Variants in OSBPL10 observed in about 807,000 individuals in gnomAD.
OSBPL10 encodes oxysterol binding protein like 10.
OSBPL10 carries 49 observed loss-of-function variants against 81.7 expected under a neutral mutation model. The observed-to-expected ratio is 0.60, with a 90% CI of 0.48 to 0.76. The LOEUF is 0.76. OSBPL10 is among the 30% of genes least tolerant of loss of function. The pLI is 0.00. For missense variants in OSBPL10, 923 were observed against 987.8 expected, an observed-to-expected ratio of 0.93 and a Z score of 0.88; for synonymous variants, 419 against 383.6, an observed-to-expected ratio of 1.09 and a Z score of -1.08.
At chr3:31,890,215 ATCAT>A (rs1420082380) in intron 1 of OSBPL10, among the ~76,000 whole-genome samples, 4 of 150,256 alleles carry the variant, frequency 2.7e-5, no homozygotes, top group African/African-American at 4.9e-5. Context: ...ATTTCTCTCA[ATCAT>A]TCATTCAAAC....
rs1481127569 is a variant in OSBPL10 at position 31,729,251 on chromosome 3, C to A, written c.1095+4006G>T. 2.6e-5 allele frequency among the ~76,000 whole-genome samples: 4 copies of A among 152,260 alleles called. No individual in the cohort carries two copies. The East Asian group carries it at 7.7e-4, about 29-fold the overall frequency. ...TCTGTCATTCAGGATGGGTTTATCT[C>A]ATTGCCCTGGGCTCTCCTGTTCCCT... On this transcript the variant is annotated intron_variant, in intron 6 of 11. Coordinates refer to ENST00000396556, the MANE Select transcript of OSBPL10 (RefSeq NM_017784.5).
intron 1 of OSBPL10, among the ~76,000 whole-genome samples, chr3:32,070,218 T>G (rs963420584): frequency 6.6e-6 from 1 of 152,190 alleles, no homozygotes; most frequent in African/African-American, 2.4e-5. Context: ...TTCAAGGGCC[T>G]GTTTTCCTTG....
At chr3:31,759,617 C>T (rs959189079) in intron 4 of OSBPL10, among the ~76,000 whole-genome samples, 4 of 152,130 alleles carry the variant, frequency 2.6e-5, no homozygotes, top group African/African-American at 9.7e-5. Flanking sequence ...AGAAGATCCC[C>T]ATATAACTTT....
chr3:31,899,889 G>A (rs138848460), intron 1 of OSBPL10, among the ~76,000 whole-genome samples: 1 of 151,998 alleles, frequency 6.6e-6, no homozygotes, highest in African/African-American at 2.4e-5. Flanking sequence ...ATATTCTACA[G>A]AAAATAACTA....
rs1384649460 is a variant in OSBPL10, at chr3:31,661,985, T to C, written c.*87A>G. ...CTTGGATGCTAATACAAGGTCTCAGTGAATGCCAACAAAACCCTGATACTC... is the reference window on the plus strand; with the variant it reads ...CTTGGATGCTAATACAAGGTCTCAGCGAATGCCAACAAAACCCTGATACTC... On this transcript the variant is annotated 3_prime_UTR_variant, in exon 12 of 12. Transcript: ENST00000396556. 1 of 1,552,808 alleles carries C rather than the reference T, an allele frequency of 6.4e-7. No homozygotes were observed. Among genetic ancestry groups the C allele is most frequent in the South Asian group, 1.2e-5 (1 of 83,684 alleles).
At chr3:31,847,194 CTTTTTT>C in intron 3 of OSBPL10, among the ~76,000 whole-genome samples, 2 of 144,988 alleles carry the variant, frequency 1.4e-5, no homozygotes, top group East Asian at 2.0e-4. Context: ...CTCCCCATTC[CTTTTTT>C]TTTTTTTTTT....
chr3:31,787,941 A>G (rs1698900065), intron 4 of OSBPL10, among the ~76,000 whole-genome samples: 1 of 152,238 alleles, frequency 6.6e-6, no homozygotes, highest in African/African-American at 2.4e-5. Flanking sequence ...TTTAAAATGC[A>G]CAAACAGAAT....
chr3:31,741,522 T>C (rs1379269678), intron 5 of OSBPL10, among the ~76,000 whole-genome samples: 1 of 152,214 alleles, frequency 6.6e-6, no homozygotes, highest in African/African-American at 2.4e-5. Context: ...CTTGGCCTCC[T>C]GAAGTGCTGG....
chr3:31,814,869 T>C (rs780410459), intron 4 of OSBPL10, among the ~76,000 whole-genome samples: 2 of 152,172 alleles, frequency 1.3e-5, no homozygotes, highest in African/African-American at 2.4e-5. Context: ...GCTTATTCCA[T>C]AGATTAAAGT....
intron 4 of OSBPL10, among the ~76,000 whole-genome samples, chr3:31,790,457 G>T (rs982052587): frequency 2.0e-5 from 3 of 152,124 alleles, no homozygotes; most frequent in African/African-American, 7.2e-5. Context: ...ATTAAGACCT[G>T]ATTTACATTT....
chr3:31,873,462 T>G, intron 3 of OSBPL10, among the ~76,000 whole-genome samples: 1 of 152,210 alleles, frequency 6.6e-6, no homozygotes, highest in East Asian at 1.9e-4. Context: ...GGGTCATCCT[T>G]AAAGCCTTTT....
At position 32,031,615 on chromosome 3, in the gene OSBPL10, G is replaced by A. The variant is rs190806869; in HGVS notation, n.298+14876C>T. On this transcript the variant is annotated intron_variant and non_coding_transcript_variant, in intron 2 of 3. Coordinates refer to the OSBPL10 transcript ENST00000479173. ...TAGCTGGGACTACAGGCATACGCCCGGCTAATTTTTGTATTTTTAGTAGAG... is the reference window on the plus strand; with the variant it reads ...TAGCTGGGACTACAGGCATACGCCCAGCTAATTTTTGTATTTTTAGTAGAG... Among the ~76,000 whole-genome samples, 350 of 151,986 alleles carry A rather than the reference G, an allele frequency of 2.3e-3. 2 individuals carry two copies. Among genetic ancestry groups the A allele is most frequent in the African/African-American group, 6.0e-3 (250 of 41,448 alleles).
chr3:31,991,103 G>A, intron 2 of OSBPL10: 4 of 951,326 alleles, frequency 4.2e-6, no homozygotes, highest in Non-Finnish European at 6.3e-6. Context: ...TTGAGTTTCA[G>A]TTGACTTGAC....
chr3:31,807,242 T>A (rs1202743909), intron 4 of OSBPL10, among the ~76,000 whole-genome samples: 4 of 152,018 alleles, frequency 2.6e-5, no homozygotes, highest in African/African-American at 9.7e-5. Context: ...TAGCCAGGCG[T>A]CGTGTTGCAC....
intron 1 of OSBPL10, among the ~76,000 whole-genome samples, chr3:31,942,013 G>A (rs931864797): frequency 4.6e-5 from 7 of 152,128 alleles, no homozygotes; most frequent in Admixed American, 2.6e-4. Context: ...GGTGGCTCAC[G>A]CCTGTAATCC....
chr3:31,981,426 G>A, upstream of OSBPL10: 1 of 528,818 alleles, frequency 1.9e-6, no homozygotes, highest in Non-Finnish European at 2.9e-6. The surrounding 1 kb of genome is among the most constrained non-coding windows in gnomAD (Gnocchi z 4.5). Context: ...CCCTCCCTCC[G>A]CACTAGTTTC....
At chr3:31,761,821 A>C (rs868324455) in intron 4 of OSBPL10, among the ~76,000 whole-genome samples, 2 of 138,022 alleles carry the variant, frequency 1.4e-5, no homozygotes, top group Non-Finnish European at 3.0e-5. Context: ...TCTAAAAAAA[A>C]AAAAAAAAAA....
chr3:31,727,208 AGGAGATAGTGTAGTAT>A (rs1046604478), intron 6 of OSBPL10, among the ~76,000 whole-genome samples: 2 of 152,128 alleles, frequency 1.3e-5, no homozygotes, highest in African/African-American at 4.8e-5. Context: ...TATCCAATAT[AGGAGATAGTGTAGTAT>A]GAAGGAAAGA....
chr3:31,864,668 G>A (rs575302196), intron 3 of OSBPL10, among the ~76,000 whole-genome samples: 1 of 152,224 alleles, frequency 6.6e-6, no homozygotes, highest in East Asian at 1.9e-4. Context: ...GGGTGCTTGG[G>A]GAGCTGTTTG....
Sources: allele counts gnomAD v4.1 joint callset (sites outside exome capture counted in the v4.1 genomes callset), GRCh38; gene constraint gnomAD v4.1.1; non-coding constraint Gnocchi (gnomAD v3.1); transcripts MANE v1.5; gene names NCBI Gene and HGNC (gene_info 2026-07-23, HGNC 2026-07-21).